KHNYN: variants seen among roughly 807,000 people sequenced by gnomAD.
The protein encoded by KHNYN is KH and NYN domain containing, also known as protein KHNYN.
In KHNYN, 42 loss-of-function variants were observed where a neutral mutation model predicts 62.7. The ratio of observed to expected loss-of-function variants is 0.67; its 90% CI spans 0.52 to 0.87. The LOEUF (loss-of-function observed/expected upper bound fraction) is 0.87. Among genes scored for constraint, KHNYN ranks in the 40% least tolerant of loss-of-function variants. The pLI is 0.00. For missense variants in KHNYN, 829 were observed against 874.1 expected (o/e 0.95, Z 0.65); for synonymous variants, 347 against 345.6 (o/e 1.00, Z -0.04).
rs181549511 is a variant in KHNYN, at chr14:24,440,268, C to T, written c.*2983C>T. 82 of 1,613,964 alleles carry T rather than the reference C, an allele frequency of 5.1e-5. No individual in the cohort carries two copies. The African/African-American group carries it at 9.1e-4, about 18-fold the overall frequency. ...AAGGCTCGGCGGCCCAGGGCAGCACCCAAGGTCTGGGCAAACTCAGCATTA... is the reference window on the plus strand; with the variant it reads ...AAGGCTCGGCGGCCCAGGGCAGCACTCAAGGTCTGGGCAAACTCAGCATTA... On this transcript the variant is annotated 3_prime_UTR_variant, in exon 8 of 8. Transcript: ENST00000553935.
chr14:24,428,963 C>G, upstream of KHNYN: 1 of 1,551,678 alleles, frequency 6.4e-7, no homozygotes, highest in Non-Finnish European at 8.7e-7. Context: ...CTCCTGGGCC[C>G]ACCCGGCCCC....
upstream of KHNYN, among the ~76,000 whole-genome samples, chr14:24,425,021 G>A (rs1352739648): frequency 2.0e-5 from 3 of 152,224 alleles, no homozygotes; most frequent in South Asian, 4.2e-4. Flanking sequence ...ACAACATGGC[G>A]AAACCCCATC....
chr14:24,436,126 G>C lies in KHNYN; in HGVS notation c.1632G>C (p.Gln544His), dbSNP rs1372492568. ...ETDGIIVSND[Q>H]FRDLAEESEK... ...ATGGGATAATTGTCTCCAATGACCAGTTCCGGGACCTGGCGGAGGAGTCTG... is the reference window on the plus strand; with the variant it reads ...ATGGGATAATTGTCTCCAATGACCACTTCCGGGACCTGGCGGAGGAGTCTG... Residue 544 changes from glutamine to histidine, a missense_variant, in exon 6 of 8, where the codon CAG (glutamine) becomes CAC (histidine). Gln to His is a conservative substitution (Grantham distance 24). This residue lies in a region of KHNYN where 270 missense variants were observed against 347.1 expected (regional missense o/e 0.78). Transcript: ENST00000553935. The C allele has an allele frequency of 1.9e-6, 3 of 1,614,194 alleles. No homozygotes were observed. The highest frequency in any genetic ancestry group is 2.5e-6 in the Non-Finnish European group (3 of 1,180,038).
intron 2 of KHNYN, 147 bp from the exon 3 acceptor site, chr14:24,431,316 G>A: frequency 1.5e-6 from 1 of 653,780 alleles, no homozygotes; most frequent in Middle Eastern, 4.3e-4. Flanking sequence ...CTTTGTGATG[G>A]GAGTCTCAGT....
chr14:24,431,780 T>A lies in KHNYN; in HGVS notation c.519T>A (p.Asp173Glu). ...CTGCCCTGCTGCAGTCCCCGGGGGATGCCCATAGAGAGGCTCTGTTGCAGT... is the reference window on the plus strand; with the variant it reads ...CTGCCCTGCTGCAGTCCCCGGGGGAAGCCCATAGAGAGGCTCTGTTGCAGT... ...DFSALLQSPG[D>E]AHREALLQLP... The change falls in exon 3 of 8, where the codon GAT becomes GAA. Residue 173 changes from aspartate (D) to glutamate (E), a missense_variant. Asp to Glu is a conservative substitution (Grantham distance 45). This residue lies in a region of KHNYN where 559 missense variants were observed against 527.0 expected (regional missense o/e 1.06). Coordinates refer to ENST00000553935, the MANE Select transcript of KHNYN (RefSeq NM_015299.3). 1 of 1,614,168 alleles carries A rather than the reference T, an allele frequency of 6.2e-7. No individual in the cohort carries two copies. The highest frequency in any genetic ancestry group is 2.2e-5 in the East Asian group (1 of 44,888).
At chr14:24,425,600 T>C (rs2043012499), upstream of KHNYN, among the ~76,000 whole-genome samples, 1 of 152,220 alleles carries the variant, frequency 6.6e-6, no homozygotes, top group Admixed American at 6.5e-5. Context: ...TACAGATTTT[T>C]CTATGTGAGA....
In KHNYN at chr14:24,432,258, C is replaced by G. The variant is rs1467913690; in HGVS notation, c.997C>G (p.His333Asp). 1 of 1,612,340 alleles carries G rather than the reference C, an allele frequency of 6.2e-7. No homozygotes were observed. Among genetic ancestry groups the G allele is most frequent in the East Asian group, 2.2e-5 (1 of 44,846 alleles). ...GCCTCCCGGTGCCCATGGCTCCTGT[C>G]ACAGGGCAGCTCAGTCCCGAGGAGC... Reference protein sequence around the residue: ...REPPGAHGSCHRAAQSRGASL... With the variant: ...REPPGAHGSCDRAAQSRGASL... The change falls in exon 3 of 8, where the codon CAC becomes GAC. Residue 333 changes from histidine (H) to aspartate (D), a missense_variant. This residue lies in a region of KHNYN where 559 missense variants were observed against 527.0 expected (regional missense o/e 1.06). Transcript: ENST00000553935. This position sits in a 1 kb window ranked among gnomAD's most constrained non-coding sequence, Gnocchi z 5.6.
Position 24,441,083 on chromosome 14 carries a change from C to A in KHNYN, c.*3798C>A. On this transcript the variant is annotated 3_prime_UTR_variant, in exon 8 of 8. Transcript: ENST00000553935. ...ATTTTCCCCTTGAACTTCTCCATGA[C>A]CTGAAGCGTTCCTTCCCTGGAGGAA... 1.2e-6 allele frequency: 1 copy of A among 811,182 alleles called. No individual in the cohort carries two copies. The allele number at this position is 811,182 out of a possible 1,614,324, so 50.2% of individuals were successfully genotyped here. A position where few individuals can be genotyped will look rare whatever the true frequency, so the allele number is the denominator to read the frequency against.
Position 24,431,971 on chromosome 14 carries a change from C to T in KHNYN, c.710C>T (p.Thr237Ile). 6.2e-7 allele frequency: 1 copy of T among 1,612,606 alleles called. No homozygotes were observed. Among genetic ancestry groups the T allele is most frequent in the Middle Eastern group, 1.7e-4 (1 of 6,050 alleles). Residue 237 changes from threonine (T) to isoleucine (I), a missense_variant, in exon 3 of 8, where the codon ACT becomes ATT. Physicochemically the swap from Thr to Ile is moderately conservative, Grantham distance 89. Transcript: ENST00000553935. Reference protein sequence around the residue: ...PPSDGRESLDTGSMGPGDCRG... With the variant: ...PPSDGRESLDIGSMGPGDCRG... ...AGTGACGGCAGGGAGTCCCTGGACACTGGATCTATGGGACCCGGAGATTGC... is the reference window on the plus strand; with the variant it reads ...AGTGACGGCAGGGAGTCCCTGGACATTGGATCTATGGGACCCGGAGATTGC...
Position 24,436,431 on chromosome 14 carries a change from G to C in KHNYN, c.1729G>C (p.Asp577His). ...TGTGGGAAACCTCTTCATGGTACCT[G>C]ATGACCCACTGGGGCGAAACGGCCC... ...TFVGNLFMVP[D>H]DPLGRNGPTL... The change falls in exon 7 of 8, where the codon GAT (aspartate) becomes CAT (histidine). Residue 577 changes from aspartate (D) to histidine (H), a missense_variant. Coordinates refer to ENST00000553935, the MANE Select transcript of KHNYN (RefSeq NM_015299.3). 2.5e-6 allele frequency: 4 copies of C among 1,613,750 alleles called. No homozygotes were observed. Among genetic ancestry groups the C allele is most frequent in the Non-Finnish European group, 3.4e-6 (4 of 1,179,898 alleles).
At chr14:24,428,690 G>A (rs1488232370), upstream of KHNYN, 6 of 1,495,406 alleles carry the variant, frequency 4.0e-6, no homozygotes, top group Non-Finnish European at 5.4e-6. Flanking sequence ...AAGTGGGCTT[G>A]GACAGTTGCT....
chr14:24,429,773 G>T (rs1049499417), upstream of KHNYN: 20 of 985,314 alleles, frequency 2.0e-5, no homozygotes, highest in Non-Finnish European at 2.4e-5. Context: ...GACCCTGAGG[G>T]CCGGGAGACA....
In KHNYN at chr14:24,432,502, A is replaced by T; in HGVS notation, c.1241A>T (p.Gln414Leu). The change falls in exon 3 of 8, where the codon CAG (glutamine) becomes CTG (leucine). Residue 414 changes from glutamine (Q) to leucine (L), a missense_variant. By Grantham distance (113) the Gln-to-Leu change is moderately radical. Coordinates refer to ENST00000553935, the MANE Select transcript of KHNYN (RefSeq NM_015299.3). This position sits in a 1 kb window ranked among gnomAD's most constrained non-coding sequence, Gnocchi z 5.6. ...GGGGGCAACTTGGTGACTGGCACAC[A>T]GCGTTTCAAGGAGGCCCTGCAGGAT... The part of the protein sequence containing the change: ...ARGGNLVTGT[Q>L]RFKEALQDPF... The T allele has an allele frequency of 6.2e-7, 1 of 1,613,844 alleles. No homozygotes were observed. Among genetic ancestry groups the T allele is most frequent in the Non-Finnish European group, 8.5e-7 (1 of 1,179,970 alleles).
chr14:24,433,481 A>G (rs1387800485), intron 5 of KHNYN, among the ~76,000 whole-genome samples: 1 of 152,238 alleles, frequency 6.6e-6, no homozygotes, highest in Non-Finnish European at 1.5e-5. Context: ...GGACTGTACA[A>G]AACATGGTAT....
At position 24,432,578 on chromosome 14, in the gene KHNYN, TATTGTC is replaced by T; in HGVS notation, c.1322_1327del (p.Val441_Ile442del). ...TGCCTGGCCAGCCAGACCTCCGCCA[TATTGTC>T]ATTGACGGCAGCAACGTGGCCATGG... On this transcript the variant is annotated inframe_deletion, in exon 3 of 8. Transcript: ENST00000553935. The surrounding 1 kb of genome is among the most constrained non-coding windows in gnomAD (Gnocchi z 5.6). 6.2e-7 allele frequency: 1 copy of T among 1,609,046 alleles called. No homozygotes were observed. Among genetic ancestry groups the T allele is most frequent in the South Asian group, 1.1e-5 (1 of 90,800 alleles).
At chr14:24,434,678 C>T (rs371493356) in intron 5 of KHNYN, among the ~76,000 whole-genome samples, 13 of 152,230 alleles carry the variant, frequency 8.5e-5, no homozygotes, top group South Asian at 2.1e-4. Context: ...GCTGGGATTA[C>T]AGGCGTGAGC....
chr14:24,436,037 C>A, intron 5 of KHNYN, 35 bp from the exon 6 acceptor site: 1 of 1,553,662 alleles, frequency 6.4e-7, no homozygotes, highest in Non-Finnish European at 8.9e-7. Context: ...GGTAATTTTT[C>A]AACCCTCTCT....
chr14:24,433,629 T>A (rs987732820), intron 5 of KHNYN, among the ~76,000 whole-genome samples: 4 of 152,214 alleles, frequency 2.6e-5, no homozygotes, highest in Non-Finnish European at 5.9e-5. Context: ...TCATTTACCC[T>A]CCTTGTGAAT....
chr14:24,433,550 T>G (rs1380436314), intron 5 of KHNYN, among the ~76,000 whole-genome samples: 1 of 152,154 alleles, frequency 6.6e-6, no homozygotes, highest in Non-Finnish European at 1.5e-5. Flanking sequence ...CAAGTAGCAC[T>G]ACTCATTGAC....
Sources: gnomAD v4.1 joint callset for allele counts (sites outside exome capture counted in the v4.1 genomes callset) on GRCh38, gnomAD v4.1.1 for gene constraint, gnomAD v4.1.1 regional missense constraint, Gnocchi (gnomAD v3.1) non-coding constraint, MANE v1.5 for transcripts, NCBI Gene and HGNC (gene_info 2026-07-23, HGNC 2026-07-21) for gene names.